The following CD226 variants were observed in gnomAD, a reference collection of about 807,000 sequenced individuals.
The protein encoded by CD226 is CD226 molecule.
In CD226, 24 loss-of-function variants were observed where a neutral mutation model predicts 34.9. That is an observed-to-expected ratio of 0.69 (90% CI 0.50 to 0.97). CD226 has a LOEUF of 0.97. Ranked by LOEUF, CD226 falls within the 50% of genes least tolerant of loss-of-function variation. The pLI is 0.00. For missense variants in CD226, 397 were observed against 412.7 expected (o/e 0.96, Z 0.33); for synonymous variants, 148 against 147.4 (o/e 1.00, Z -0.03).
At chr18:69,871,201 G>C (rs1983500341) in intron 4 of CD226, among the ~76,000 whole-genome samples, 1 of 152,142 alleles carries the variant, frequency 6.6e-6, no homozygotes, top group Non-Finnish European at 1.5e-5. Context: ...TGCTCCCTCT[G>C]CCATCTCTGC....
At chr18:69,961,177 G>T (rs961199889), upstream of CD226, among the ~76,000 whole-genome samples, 9 of 152,160 alleles carry the variant, frequency 5.9e-5, no homozygotes, top group African/African-American at 2.2e-4. Flanking sequence ...GTATAATTGT[G>T]TGCCTGTGTG....
At position 69,859,118 on chromosome 18, in the gene CD226, T is replaced by C. The variant is rs541449466; in HGVS notation, c.*5196A>G. ...CAACACGGAAACACATGTCCTTTTG[T>C]TCTGGAAAATGTTTTAGAGTGGATT... is the stretch of plus-strand genomic sequence containing the variant. On this transcript the variant is annotated 3_prime_UTR_variant, in exon 6 of 6. Coordinates refer to ENST00000582621, the MANE Select transcript of CD226 (RefSeq NM_001303618.2). The C allele has an allele frequency of 6.6e-6, 1 of 152,168 alleles. No homozygotes were observed. Among genetic ancestry groups the C allele is most frequent in the African/African-American group, 2.4e-5 (1 of 41,420 alleles). 9.4% of individuals were successfully genotyped at this position (152,168 alleles called of 1,614,324 possible). A position where few individuals can be genotyped will look rare whatever the true frequency, so the allele number is the denominator to read the frequency against.
chr18:69,958,932 T>A (rs974865211), upstream of CD226, among the ~76,000 whole-genome samples: 17 of 152,194 alleles, frequency 1.1e-4, no homozygotes, highest in Non-Finnish European at 1.2e-4. Context: ...AGATACCTTT[T>A]GTTGTTTCTC....
chr18:69,939,995 C>G (rs1298312448), intron 2 of CD226, among the ~76,000 whole-genome samples: 1 of 152,200 alleles, frequency 6.6e-6, no homozygotes, highest in African/African-American at 2.4e-5. Context: ...TTCCCATAAC[C>G]CTCACGTGTC....
chr18:69,897,291 A>G (rs576701878), intron 2 of CD226, among the ~76,000 whole-genome samples: 52 of 152,340 alleles, frequency 3.4e-4, no homozygotes, highest in Middle Eastern at 3.4e-3. Flanking sequence ...AATAGCATAA[A>G]GGGGTCTTGA....
At chr18:69,911,773 T>C (rs1384307332) in intron 2 of CD226, among the ~76,000 whole-genome samples, 2 of 152,208 alleles carry the variant, frequency 1.3e-5, no homozygotes, top group African/African-American at 4.8e-5. Context: ...TTGGTATACA[T>C]TTTTAACTGT....
At chr18:69,884,300 TA>T (rs1471035206) in intron 3 of CD226, among the ~76,000 whole-genome samples, 9 of 152,172 alleles carry the variant, frequency 5.9e-5, no homozygotes, top group African/African-American at 2.2e-4. Flanking sequence ...TCAGCAAGCA[TA>T]CCAGATGATC....
chr18:69,903,580 T>C (rs1035560488), intron 2 of CD226, among the ~76,000 whole-genome samples: 1 of 152,058 alleles, frequency 6.6e-6, no homozygotes, highest in Non-Finnish European at 1.5e-5. Flanking sequence ...TTAGTTAACA[T>C]GAAGTCATCC....
intron 3 of CD226, among the ~76,000 whole-genome samples, chr18:69,886,912 A>C (rs977350644): frequency 2.0e-5 from 3 of 152,142 alleles, no homozygotes; most frequent in African/African-American, 4.8e-5. Context: ...TTATGAAAAA[A>C]ATTCCCTAAG....
chr18:69,938,994 G>A (rs972197643), intron 2 of CD226, among the ~76,000 whole-genome samples: 3 of 152,204 alleles, frequency 2.0e-5, no homozygotes, highest in Non-Finnish European at 4.4e-5. Context: ...GCTGAGGCAG[G>A]AGAACCACTT....
intron 2 of CD226, among the ~76,000 whole-genome samples, chr18:69,909,545 A>T (rs1031902238): frequency 1.3e-5 from 2 of 152,268 alleles, no homozygotes; most frequent in Non-Finnish European, 2.9e-5. Context: ...ACCATAATGA[A>T]GTTAAAATGA....
chr18:69,956,232 G>A (rs2055896303), intron 1 of CD226, among the ~76,000 whole-genome samples: 1 of 152,214 alleles, frequency 6.6e-6, no homozygotes, highest in Non-Finnish European at 1.5e-5. Context: ...TTTTTGTGCT[G>A]CAATGCTGGA....
chr18:69,862,363 C>T lies in CD226; in HGVS notation c.*1951G>A, dbSNP rs1403892060. The T allele has an allele frequency of 6.6e-6, 1 of 152,148 alleles. No individual in the cohort carries two copies. Among genetic ancestry groups the T allele is most frequent in the Non-Finnish European group, 1.5e-5 (1 of 67,992 alleles). The allele number at this position is 152,148 out of a possible 1,614,324, so 9.4% of individuals were successfully genotyped here. On this transcript the variant is annotated 3_prime_UTR_variant, in exon 6 of 6. Coordinates refer to ENST00000582621, the MANE Select transcript of CD226 (RefSeq NM_001303618.2). ...GAAATTATTTACCTTTTAATTGATG[C>T]TAAGCTTGCTTCACCATGCAAACCA...
At chr18:69,924,753 C>T (rs959551765) in intron 2 of CD226, among the ~76,000 whole-genome samples, 5 of 128,930 alleles carry the variant, frequency 3.9e-5, no homozygotes, top group Admixed American at 1.6e-4. Context: ...CCCAGAGGTA[C>T]AAATAAGCAG....
At chr18:69,935,674 A>T (rs1177523928) in intron 2 of CD226, among the ~76,000 whole-genome samples, 1 of 152,146 alleles carries the variant, frequency 6.6e-6, no homozygotes, top group Non-Finnish European at 1.5e-5. Context: ...AGTTGTCTTG[A>T]TCACTGAGAG....
At chr18:69,949,555 C>T (rs143232089), upstream of CD226, among the ~76,000 whole-genome samples, 1 of 151,862 alleles carries the variant, frequency 6.6e-6, no homozygotes, top group Non-Finnish European at 1.5e-5. Context: ...GCATTCATAT[C>T]TTCTGTCTCA....
At chr18:69,892,306 A>T (rs149945894) in intron 3 of CD226, among the ~76,000 whole-genome samples, 6 of 152,334 alleles carry the variant, frequency 3.9e-5, no homozygotes, top group African/African-American at 1.4e-4. Context: ...TCATTTAGCT[A>T]ATATTAAAAT....
At chr18:69,923,629 C>T (rs1044201307) in intron 2 of CD226, among the ~76,000 whole-genome samples, 3 of 152,236 alleles carry the variant, frequency 2.0e-5, no homozygotes, top group African/African-American at 7.2e-5. Flanking sequence ...ATAGAAGTGA[C>T]ACATCTGATT....
chr18:69,940,651 A>C (rs2055712786), intron 2 of CD226, among the ~76,000 whole-genome samples: 1 of 152,152 alleles, frequency 6.6e-6, no homozygotes. Context: ...TGAGAGAGAT[A>C]ATTTAGGGTA....
Sources: allele counts gnomAD v4.1 joint callset (sites outside exome capture counted in the v4.1 genomes callset), GRCh38; gene constraint gnomAD v4.1.1; transcripts MANE v1.5; gene names NCBI Gene and HGNC (gene_info 2026-07-23, HGNC 2026-07-21).